MAP2K3: variants seen among roughly 807,000 people sequenced by gnomAD.
MAP2K3 encodes the protein mitogen-activated protein kinase kinase 3.
MAP2K3 carries 30 observed loss-of-function variants against 46.4 expected under a neutral mutation model. The observed-to-expected ratio is 0.65, with a 90% CI of 0.48 to 0.88. The LOEUF is 0.88. MAP2K3 is among the 40% of genes least tolerant of loss of function. The pLI, the probability that MAP2K3 is intolerant of heterozygous loss-of-function variation, is 0.00. For synonymous variants in MAP2K3, 189 were observed against 176.3 expected (o/e 1.07, Z -0.57); for missense variants, 380 against 464.5 (o/e 0.82, Z 1.67).
intron 1 of MAP2K3, among the ~76,000 whole-genome samples, chr17:21,290,085 C>G (rs1024990321): frequency 3.9e-5 from 6 of 152,250 alleles, no homozygotes; most frequent in African/African-American, 9.6e-5. Context: ...CAAGGCCCGT[C>G]CCAAGGTTTA....
intron 1 of MAP2K3, 42 bp from the exon 2 acceptor site, chr17:21,298,371 G>A: frequency 6.2e-7 from 1 of 1,613,954 alleles, no homozygotes; most frequent in Non-Finnish European, 8.5e-7. Flanking sequence ...GGACATTGAT[G>A]TCAAGGGATA....
chr17:21,305,021 G>A (rs1194294847), intron 8 of MAP2K3, 30 bp from the exon 9 acceptor site: 2 of 1,614,252 alleles, frequency 1.2e-6, no homozygotes, highest in East Asian at 2.2e-5. Context: ...CCTGGGGCGG[G>A]TGTTCACGCC....
intron 3 of MAP2K3, among the ~76,000 whole-genome samples, chr17:21,300,070 T>C (rs952290096): frequency 1.7e-4 from 26 of 152,404 alleles, no homozygotes; most frequent in Non-Finnish European, 2.5e-4. Context: ...TCTGCTGTCC[T>C]GTTCATCTAC....
intron 1 of MAP2K3, chr17:21,291,525 A>T (rs1192474446): frequency 6.6e-6 from 3 of 456,410 alleles, no homozygotes; most frequent in Non-Finnish European, 4.4e-6. Context: ...CCTTTGGAGC[A>T]CAGCCTACGA....
chr17:21,285,881 T>C (rs528917496), intron 1 of MAP2K3, among the ~76,000 whole-genome samples: 1 of 149,122 alleles, frequency 6.7e-6, no homozygotes, highest in African/African-American at 2.5e-5. Context: ...AGGATGAAAC[T>C]CGGAGGGCAA....
At chr17:21,298,822 C>A (rs973352420) in intron 2 of MAP2K3, 56 bp from the exon 3 acceptor site, 108 of 1,612,802 alleles carry the variant, frequency 6.7e-5, no homozygotes, top group Admixed American at 3.8e-4. Flanking sequence ...TCTACTGCTG[C>A]ACTTGGGGAA....
intron 9 of MAP2K3, among the ~76,000 whole-genome samples, chr17:21,310,761 G>T (rs1249386810): frequency 2.6e-5 from 4 of 152,268 alleles, no homozygotes; most frequent in Non-Finnish European, 5.9e-5. Context: ...GGCCCCTGGC[G>T]CTGGACATTC....
At chr17:21,304,757 C>T (rs1976800743) in intron 8 of MAP2K3, among the ~76,000 whole-genome samples, 1 of 152,310 alleles carries the variant, frequency 6.6e-6, no homozygotes, top group Non-Finnish European at 1.5e-5. Flanking sequence ...CACAGTGCCC[C>T]AGTTGGGTGA....
intron 3 of MAP2K3, 108 bp from the exon 4 acceptor site, chr17:21,300,437 G>C (rs1462141512): frequency 1.7e-6 from 2 of 1,172,830 alleles, no homozygotes; most frequent in African/African-American, 3.1e-5. Context: ...TTTGAGCCCA[G>C]ATCTAATCAG....
At chr17:21,304,183 C>T (rs1188782461) in intron 7 of MAP2K3, among the ~76,000 whole-genome samples, 13 of 152,424 alleles carry the variant, frequency 8.5e-5, no homozygotes, top group East Asian at 1.9e-4. Context: ...GTGGCCGGGC[C>T]GGGCTGGGCA....
At chr17:21,295,554 A>G in intron 1 of MAP2K3, 1 of 1,240,216 alleles carries the variant, frequency 8.1e-7, no homozygotes, top group Non-Finnish European at 1.0e-6. Context: ...TGACGTCTGC[A>G]GCAGCCTGAG....
chr17:21,290,824 G>A (rs576490743), intron 1 of MAP2K3, among the ~76,000 whole-genome samples: 367 of 152,234 alleles, frequency 2.4e-3, no homozygotes, highest in Non-Finnish European at 4.5e-3. Context: ...GGTGGCACAC[G>A]TCTGTAGTCT....
chr17:21,307,843 ATCTTT>A (rs1976970499), intron 9 of MAP2K3, among the ~76,000 whole-genome samples: 1 of 81,478 alleles, frequency 1.2e-5, no homozygotes, highest in African/African-American at 4.7e-5. Flanking sequence ...ATGCCCGGCT[ATCTTT>A]TTTTTTTTTT....
Position 21,312,154 on chromosome 17 carries a change from A to C in MAP2K3, c.787A>C (p.Ile263Leu), listed in dbSNP as rs771917013. The C allele has an allele frequency of 1.9e-6, 3 of 1,562,656 alleles. No homozygotes were observed. In the African/African-American group the frequency reaches 4.2e-5, roughly 22 times the overall value. The change falls in exon 10 of 12, where the codon ATC (isoleucine) becomes CTC (leucine). Residue 263 changes from isoleucine to leucine, a missense_variant. Transcript: ENST00000342679. ...GTCCCCGCTGCAGATTGAGATGGCC[A>C]TCCTGCGGTTCCCTTACGAGTCCTG... ...SLGITMIEMA[I>L]LRFPYESWGT... is the part of the protein sequence containing the mutation.
chr17:21,300,482 G>A, intron 3 of MAP2K3, 63 bp from the exon 4 acceptor site: 3 of 1,524,128 alleles, frequency 2.0e-6, no homozygotes, highest in South Asian at 2.4e-5. Flanking sequence ...TATCTCCACT[G>A]GGCATGGGGT....
intron 1 of MAP2K3, among the ~76,000 whole-genome samples, chr17:21,294,917 C>T (rs1011139968): frequency 3.3e-5 from 5 of 152,310 alleles, no homozygotes; most frequent in African/African-American, 7.2e-5. Flanking sequence ...CAGGCCTTGG[C>T]TCCAGAGTGA....
intron 1 of MAP2K3, among the ~76,000 whole-genome samples, chr17:21,292,206 G>A (rs1318805005): frequency 6.6e-6 from 1 of 152,304 alleles, no homozygotes; most frequent in Non-Finnish European, 1.5e-5. Flanking sequence ...TGCCCCTTCA[G>A]ACAGAGGAGA....
chr17:21,311,291 C>T (rs1396393222), intron 9 of MAP2K3, among the ~76,000 whole-genome samples: 2 of 152,082 alleles, frequency 1.3e-5, no homozygotes, highest in African/African-American at 4.8e-5. Context: ...CAGGCCGGGG[C>T]CAGGGCTGAC....
rs567792799 is a variant in MAP2K3, at chr17:21,285,143, A to G, written c.49+174A>G. On this transcript the variant is annotated intron_variant, in intron 1 of 11. Coordinates refer to ENST00000342679, the MANE Select transcript of MAP2K3 (RefSeq NM_145109.3). ...GGGACCAGCCCCCGCCTGGGCCCTC[A>G]CCTGGACCCCCACGTTAGGCCTTGG... 2,364 of 853,848 alleles carry G rather than the reference A, an allele frequency of 2.8e-3. 60 individuals carry two copies. In the African/African-American group the frequency reaches 0.04, roughly 15 times the overall value. 52.9% of individuals were successfully genotyped at this position (853,848 alleles called of 1,614,324 possible).
Sources: allele counts gnomAD v4.1 joint callset (sites outside exome capture counted in the v4.1 genomes callset), GRCh38; gene constraint gnomAD v4.1.1; transcripts MANE v1.5; gene names NCBI Gene and HGNC (gene_info 2026-07-23, HGNC 2026-07-21).